Variants in ANPEP observed in about 807,000 individuals in gnomAD.
The protein encoded by ANPEP is alanyl aminopeptidase, membrane, also known as aminopeptidase N.
Under a neutral mutation model 114.6 loss-of-function variants are expected in ANPEP, and 70 were observed. The ratio of observed to expected loss-of-function variants is 0.61; its 90% confidence interval spans 0.50 to 0.75. ANPEP has a LOEUF of 0.75. ANPEP is among the 30% of genes least tolerant of loss of function. ANPEP has a pLI of 0.00. For missense variants in ANPEP, 1,184 were observed against 1,259.5 expected, an observed-to-expected ratio of 0.94 and a Z score of 0.91; for synonymous variants, 548 against 522.3, an observed-to-expected ratio of 1.05 and a Z score of -0.67.
chr15:89,808,329 C>G (rs1176599592), intron 1 of ANPEP, among the ~76,000 whole-genome samples: 1 of 152,230 alleles, frequency 6.6e-6, no homozygotes, highest in Non-Finnish European at 1.5e-5. Flanking sequence ...CCTATGAGCT[C>G]CATTAGCTCC....
chr15:89,786,969 C>T (rs920788866), intron 20 of ANPEP, among the ~76,000 whole-genome samples: 1 of 151,698 alleles, frequency 6.6e-6, no homozygotes, highest in Non-Finnish European at 1.5e-5. Flanking sequence ...GGACCCCAAC[C>T]TCATATCATA....
At chr15:89,791,599 ATT>A (rs10596905) in intron 18 of ANPEP, among the ~76,000 whole-genome samples, 3,693 of 135,244 alleles carry the variant, frequency 0.027, 140 homozygotes, top group African/African-American at 0.088. Context: ...CACCATGCCT[ATT>A]TTTTTTTTTT....
At chr15:89,786,919 C>G (rs1174822055) in intron 20 of ANPEP, among the ~76,000 whole-genome samples, 1 of 151,954 alleles carries the variant, frequency 6.6e-6, no homozygotes, top group East Asian at 1.9e-4. Context: ...ACAAATGGGA[C>G]TTGGACAACC....
At chr15:89,793,702 C>CAAAA (rs56906048) in intron 15 of ANPEP, among the ~76,000 whole-genome samples, 38 of 78,980 alleles carry the variant, frequency 4.8e-4, no homozygotes, top group African/African-American at 1.1e-3. Flanking sequence ...GACTCCATCT[C>CAAAA]AAAAAAAAAA....
intron 12 of ANPEP, among the ~76,000 whole-genome samples, chr15:89,800,374 A>G (rs530549290): frequency 2.1e-4 from 32 of 151,962 alleles, no homozygotes; most frequent in Non-Finnish European, 4.1e-4. Flanking sequence ...CCCCAACCAT[A>G]CACTCTGAAA....
rs1894533862 is a variant in ANPEP, at chr15:89,799,190, C to A, written c.2009+70G>T. ...GGAAGGGCAGCAGGAGGAGCAGGGG[C>A]CCTCATTGTGGACTCAGACTTGCTG... On this transcript the variant is annotated intron_variant, in intron 14 of 20. Coordinates refer to ENST00000300060, the MANE Select transcript of ANPEP (RefSeq NM_001150.3). This position sits in a 1 kb window ranked among gnomAD's most constrained non-coding sequence, Gnocchi z 4.2. 2.6e-6 allele frequency: 4 copies of A among 1,564,684 alleles called. No homozygotes were observed. Among genetic ancestry groups the A allele is most frequent in the Non-Finnish European group, 2.6e-6 (3 of 1,136,420 alleles).
At chr15:89,791,233 C>T in intron 18 of ANPEP, 140 bp from the exon 19 acceptor site, 1 of 950,330 alleles carries the variant, frequency 1.1e-6, no homozygotes. Flanking sequence ...ACCCCTTGGT[C>T]CTTCTTCCCT....
intron 15 of ANPEP, among the ~76,000 whole-genome samples, chr15:89,797,187 G>A (rs777545614): frequency 1.1e-4 from 16 of 152,224 alleles, no homozygotes; most frequent in Non-Finnish European, 1.9e-4. Context: ...GGTTGCCCAA[G>A]GCCACACAGC....
chr15:89,793,249 A>C (rs1968667622), intron 15 of ANPEP, 123 bp from the exon 16 acceptor site: 1 of 749,708 alleles, frequency 1.3e-6, no homozygotes. Flanking sequence ...GCCTCACCTG[A>C]GGCCAAACAG....
intron 16 of ANPEP, 32 bp downstream of exon 16, chr15:89,793,003 G>C: frequency 6.3e-7 from 1 of 1,586,692 alleles, no homozygotes; most frequent in Admixed American, 1.7e-5. Context: ...GGGGTGCCCA[G>C]GACTTCCAAA....
At chr15:89,802,693 A>G (rs116061531) in intron 10 of ANPEP, 7,114 of 157,426 alleles carry the variant, frequency 0.045, 557 homozygotes, top group African/African-American at 0.16. Flanking sequence ...TGGGGGAGGG[A>G]GAGGAGCGGC....
At chr15:89,813,993 G>T (rs573368873) in intron 1 of ANPEP, among the ~76,000 whole-genome samples, 18 of 137,748 alleles carry the variant, frequency 1.3e-4, no homozygotes, top group East Asian at 3.1e-4. Flanking sequence ...CGCACTGCTG[G>T]GGGGGGGGGG....
intron 1 of ANPEP, among the ~76,000 whole-genome samples, chr15:89,807,527 C>T (rs1567162674): frequency 6.6e-6 from 1 of 152,070 alleles, no homozygotes; most frequent in African/African-American, 2.4e-5. Flanking sequence ...GGCGAAACCC[C>T]GTCTCTACTA....
At chr15:89,794,798 T>C (rs28638060) in intron 15 of ANPEP, among the ~76,000 whole-genome samples, 58,311 of 152,102 alleles carry the variant, frequency 0.38, 12,743 homozygotes, top group African/African-American at 0.6. Context: ...TCCTGTGTCC[T>C]AGAATGGGAG....
intron 15 of ANPEP, among the ~76,000 whole-genome samples, chr15:89,794,960 A>C (rs1359329782): frequency 5.3e-5 from 8 of 152,082 alleles, no homozygotes; most frequent in African/African-American, 1.7e-4. Context: ...CCCGGACAAC[A>C]CACTCCACCT....
rs143827043 is a variant in ANPEP, at chr15:89,787,333, C to T, written c.2752-1832G>A. Among the ~76,000 whole-genome samples, 37 of 152,274 alleles carry T rather than the reference C, an allele frequency of 2.4e-4. 1 individual carries two copies. The East Asian group carries it at 6.6e-3, about 27-fold the overall frequency. On this transcript the variant is annotated intron_variant, in intron 20 of 20. Transcript: ENST00000300060. ...GTGCTGGGATTACAGGCGTGAGCCG[C>T]CATGCCTGGCCAATAAAACTCTTAG...
At chr15:89,812,642 A>C (rs1036349344) in intron 1 of ANPEP, among the ~76,000 whole-genome samples, 1 of 152,012 alleles carries the variant, frequency 6.6e-6, no homozygotes, top group African/African-American at 2.4e-5. Context: ...CTGTCTGCCA[A>C]ATGGGGGGTG....
chr15:89,791,118 G>A, intron 18 of ANPEP, 25 bp from the exon 19 acceptor site: 3 of 1,612,026 alleles, frequency 1.9e-6, no homozygotes, highest in Non-Finnish European at 2.5e-6. Context: ...TGCTGTCTCA[G>A]CTACTGCTAA....
In ANPEP at chr15:89,797,835, C is replaced by T. The variant is rs533452428; in HGVS notation, c.2010-113G>A. ...TCCACACCCCTAGGCCCCCTGTATC[C>T]ACTCCTGGAGCCGGAGGTCCCAGAT... is the stretch of plus-strand genomic sequence containing the variant. On this transcript the variant is annotated intron_variant, in intron 14 of 20. Transcript: ENST00000300060. 2.7e-4 allele frequency: 379 copies of T among 1,428,042 alleles called. No individual in the cohort carries two copies. In the African/African-American group the frequency reaches 5.0e-3, roughly 19 times the overall value. The allele number at this position is 1,428,042 out of a possible 1,614,324, so 88.5% of individuals were successfully genotyped here. A position where few individuals can be genotyped will look rare whatever the true frequency, so the allele number is the denominator to read the frequency against.
Sources: allele counts gnomAD v4.1 joint callset (sites outside exome capture counted in the v4.1 genomes callset), GRCh38; gene constraint gnomAD v4.1.1; non-coding constraint Gnocchi (gnomAD v3.1); transcripts MANE v1.5; gene names NCBI Gene and HGNC (gene_info 2026-07-23, HGNC 2026-07-21).